The following LRIG2 variants were observed in gnomAD, a reference collection of about 807,000 sequenced individuals.
LRIG2 encodes the protein leucine-rich repeats and immunoglobulin-like domains protein 2.
Under a neutral mutation model 107.8 loss-of-function variants are expected in LRIG2, and 93 were observed. The observed-to-expected ratio is 0.86, with a 90% CI of 0.73 to 1.03. The LOEUF is 1.03. Among genes scored for constraint, LRIG2 ranks in the 50% least tolerant of loss-of-function variants. LRIG2 has a pLI of 0.00. For synonymous variants in LRIG2, 471 were observed against 470.6 expected, an observed-to-expected ratio of 1.00 and a Z score of -0.01; for missense variants, 1,226 against 1,296.0, an observed-to-expected ratio of 0.95 and a Z score of 0.83.
At chr1:113,089,722 C>T (rs1653713634) in intron 1 of LRIG2, among the ~76,000 whole-genome samples, 1 of 107,014 alleles carries the variant, frequency 9.3e-6, no homozygotes, top group Non-Finnish European at 1.8e-5. Flanking sequence ...TGCTTTGTCA[C>T]CGAGGCTGGA....
chr1:113,104,633 G>C (rs1310172306), intron 11 of LRIG2, among the ~76,000 whole-genome samples: 1 of 151,734 alleles, frequency 6.6e-6, no homozygotes, highest in Non-Finnish European at 1.5e-5. Flanking sequence ...TTCTGCCTCA[G>C]CCTCCTGAAT....
chr1:113,093,201 C>T lies in LRIG2; in HGVS notation c.306-5C>T, dbSNP rs756334160. On this transcript the variant is annotated splice_polypyrimidine_tract_variant and splice_region_variant and intron_variant, in intron 2 of 17. Coordinates refer to ENST00000361127, the MANE Select transcript of LRIG2 (RefSeq NM_014813.3). The stretch of plus-strand genomic sequence containing the variant: ...ACATTTAAATCTGTTTTTCCTCTTG[C>T]CTAGGAAAATGAATTACAATGAACT... The T allele has an allele frequency of 8.3e-6, 13 of 1,570,628 alleles. No homozygotes were observed. Among genetic ancestry groups the T allele is most frequent in the African/African-American group, 1.4e-5 (1 of 73,820 alleles).
rs767837946 is a variant in LRIG2, at chr1:113,129,149, A to G, written c.*5048A>G. 6.6e-6 allele frequency: 1 copy of G among 152,082 alleles called. No individual in the cohort carries two copies. Among genetic ancestry groups the G allele is most frequent in the African/African-American group, 2.4e-5 (1 of 41,360 alleles). 9.4% of individuals were successfully genotyped at this position (152,082 alleles called of 1,614,324 possible). On this transcript the variant is annotated 3_prime_UTR_variant, in exon 18 of 18. Transcript: ENST00000361127. Reference sequence around the variant, plus strand: ...AACATGGTGAAATTCCACCTCTACTAAAAATACAAAAATTAGCTGGGCGTG... The same window carrying G: ...AACATGGTGAAATTCCACCTCTACTGAAAATACAAAAATTAGCTGGGCGTG...
At chr1:113,084,001 A>G (rs1653412789) in intron 1 of LRIG2, among the ~76,000 whole-genome samples, 1 of 33,336 alleles carries the variant, frequency 3.0e-5, no homozygotes, top group Non-Finnish European at 6.0e-5. Flanking sequence ...TTAAAGTATA[A>G]TAATAATAAT....
chr1:113,110,346 C>T lies in LRIG2; in HGVS notation c.1582C>T (p.Pro528Ser), dbSNP rs1301857096. ...TCTAVSSSDS[P>S]MSTVWRKDSE... ...CACTGCAGTGAGCAGCAGTGATTCA[C>T]CCATGTCCACTGTGTGGCGCAAAGA... The change falls in exon 13 of 18, where the codon CCC (proline) becomes TCC (serine). Residue 528 changes from proline to serine, a missense_variant. Physicochemically the swap from Pro to Ser is moderately conservative, Grantham distance 74. Around this residue, in one of 3 missense-constraint regions of LRIG2, gnomAD observed 642 missense variants for 712.2 expected, o/e 0.90. Transcript: ENST00000361127. 1.3e-5 allele frequency: 21 copies of T among 1,614,018 alleles called. No homozygotes were observed. The highest frequency in any genetic ancestry group is 2.7e-5 in the African/African-American group (2 of 74,918).
At chr1:113,080,988 C>T (rs1391596008) in intron 1 of LRIG2, among the ~76,000 whole-genome samples, 2 of 151,874 alleles carry the variant, frequency 1.3e-5, no homozygotes, top group African/African-American at 4.8e-5. Flanking sequence ...GGATTACAGG[C>T]ATGCACCACA....
intron 17 of LRIG2, among the ~76,000 whole-genome samples, chr1:113,120,922 G>A (rs1225992210): frequency 6.9e-5 from 10 of 145,104 alleles, no homozygotes; most frequent in African/African-American, 2.3e-4. Context: ...AGGTTCAAGC[G>A]ATTTTCCTGC....
rs184142592 is a variant in LRIG2, at chr1:113,108,519, C to T, written c.1477+762C>T. Among the ~76,000 whole-genome samples the T allele has an allele frequency of 2.3e-4, 35 of 151,632 alleles. No homozygotes were observed. The East Asian group carries it at 6.7e-3, about 29-fold the overall frequency. Reference sequence around the variant, plus strand: ...GATTACAGGTGTGAGCCACCGTGCCCAGACAATTTCAAGTATACTTCTATA... The same window carrying T: ...GATTACAGGTGTGAGCCACCGTGCCTAGACAATTTCAAGTATACTTCTATA... On this transcript the variant is annotated intron_variant, in intron 12 of 17. Transcript: ENST00000361127.
intron 1 of LRIG2, among the ~76,000 whole-genome samples, chr1:113,079,662 A>G (rs1163755894): frequency 6.7e-6 from 1 of 148,652 alleles, no homozygotes; most frequent in Admixed American, 6.8e-5. Flanking sequence ...ACAGAGCAAG[A>G]CTCCATCTCA....
At chr1:113,115,650 C>G (rs1229875787) in intron 15 of LRIG2, among the ~76,000 whole-genome samples, 1 of 151,902 alleles carries the variant, frequency 6.6e-6, no homozygotes, top group Non-Finnish European at 1.5e-5. Context: ...GACTCAGCCT[C>G]CCGAGTAGCT....
At position 113,093,546 on chromosome 1, in the gene LRIG2, G is replaced by A. The variant is rs1168619888; in HGVS notation, c.497G>A (p.Arg166His). 10 of 1,541,432 alleles carry A rather than the reference G, an allele frequency of 6.5e-6. No individual in the cohort carries two copies. Among genetic ancestry groups the A allele is most frequent in the Non-Finnish European group, 8.8e-6 (10 of 1,136,022 alleles). The change falls in exon 4 of 18, where the codon CGC becomes CAC. Residue 166 changes from arginine to histidine, a missense_variant. By Grantham distance (29) the Arg-to-His change is conservative. Coordinates refer to ENST00000361127, the MANE Select transcript of LRIG2 (RefSeq NM_014813.3). Reference sequence around the variant, plus strand: ...GAAATCAAGACATCTTCATTTCCTCGCATGCAGCTTAAATACCTGTAAGTA... The same window carrying A: ...GAAATCAAGACATCTTCATTTCCTCACATGCAGCTTAAATACCTGTAAGTA... ...ISEIKTSSFP[R>H]MQLKYLNLSN...
At chr1:113,087,230 C>CT (rs1653596800) in intron 1 of LRIG2, among the ~76,000 whole-genome samples, 1 of 152,164 alleles carries the variant, frequency 6.6e-6, no homozygotes, top group African/African-American at 2.4e-5. Flanking sequence ...TGCAAACCAC[C>CT]TGGAATTAAT....
Position 113,131,122 on chromosome 1 carries a change from A to G in LRIG2, c.*7021A>G, listed in dbSNP as rs1036764793. 2 of 152,088 alleles carry G rather than the reference A, an allele frequency of 1.3e-5. No homozygotes were observed. The highest frequency in any genetic ancestry group is 4.8e-5 in the African/African-American group (2 of 41,388). 9.4% of individuals were successfully genotyped at this position (152,088 alleles called of 1,614,324 possible). A position where few individuals can be genotyped will look rare whatever the true frequency, so the allele number is the denominator to read the frequency against. On this transcript the variant is annotated 3_prime_UTR_variant, in exon 18 of 18. Transcript: ENST00000361127. Reference sequence around the variant, plus strand: ...GCTAATTTTTGTATTTTTAGTAGAGATGGGGTTTCACCGTGTTGCCTAGGC... The same window carrying G: ...GCTAATTTTTGTATTTTTAGTAGAGGTGGGGTTTCACCGTGTTGCCTAGGC...
intron 16 of LRIG2, among the ~76,000 whole-genome samples, chr1:113,117,116 GTTC>G (rs527638366): frequency 1.2e-3 from 182 of 152,304 alleles, no homozygotes; most frequent in African/African-American, 4.1e-3. Flanking sequence ...CATACACAGA[GTTC>G]TTCTCCCTCC....
rs1221394550 is a variant in LRIG2, at chr1:113,093,367, T to A, written c.381-63T>A. On this transcript the variant is annotated intron_variant, in intron 3 of 17. Transcript: ENST00000361127. ...AAGCACATATATTGTTGATTCTAAT[T>A]AACATTTTTGTGGCCTGGGGTGGAT... 6 of 1,578,534 alleles carry A rather than the reference T, an allele frequency of 3.8e-6. No homozygotes were observed. In the East Asian group the frequency reaches 9.0e-5, roughly 24 times the overall value.
Position 113,094,717 on chromosome 1 carries a change from G to A in LRIG2, c.765G>A (p.Lys255=). The A allele has an allele frequency of 1.2e-6, 2 of 1,613,920 alleles. No individual in the cohort carries two copies. Among genetic ancestry groups the A allele is most frequent in the Non-Finnish European group, 1.7e-6 (2 of 1,179,900 alleles). The change falls in exon 6 of 18, where the codon AAG becomes AAA. Residue 255 remains lysine (K), a synonymous_variant. Coordinates refer to ENST00000361127, the MANE Select transcript of LRIG2 (RefSeq NM_014813.3). Reference sequence around the variant, plus strand: ...AGCGGAATGGAATTAGCAAACTTAAGGATGGAGCATTTTTTGGCTTGAATA... The same window carrying A: ...AGCGGAATGGAATTAGCAAACTTAAAGATGGAGCATTTTTTGGCTTGAATA... ...KMQRNGISKL[K]DGAFFGLNNM...
chr1:113,111,767 GT>G (rs34691317), intron 13 of LRIG2, among the ~76,000 whole-genome samples: 1 of 151,998 alleles, frequency 6.6e-6, no homozygotes, highest in African/African-American at 2.4e-5. Flanking sequence ...GAAGGCATAA[GT>G]TTTTTTAGCA....
At chr1:113,123,522 C>A (rs574601187) in intron 17 of LRIG2, among the ~76,000 whole-genome samples, 2 of 151,992 alleles carry the variant, frequency 1.3e-5, no homozygotes, top group Admixed American at 1.3e-4. Context: ...TGCGGTGAGC[C>A]GAGATGACGC....
In LRIG2 at chr1:113,073,274, C is replaced by T. The variant is rs570727216; in HGVS notation, c.-133C>T. ...CGCGCTGCGTCTGCTCCTTGCATGC[C>T]TTTAGATGGTACAGCCTTCAGCCGG... On this transcript the variant is annotated 5_prime_UTR_variant, in exon 1 of 18. Coordinates refer to ENST00000361127, the MANE Select transcript of LRIG2 (RefSeq NM_014813.3). 13 of 767,214 alleles carry T rather than the reference C, an allele frequency of 1.7e-5. No individual in the cohort carries two copies. Among genetic ancestry groups the T allele is most frequent in the Non-Finnish European group, 2.9e-5 (13 of 451,874 alleles). 47.5% of individuals were successfully genotyped at this position (767,214 alleles called of 1,614,324 possible).
Sources: allele counts gnomAD v4.1 joint callset (sites outside exome capture counted in the v4.1 genomes callset), GRCh38; gene constraint gnomAD v4.1.1; regional missense constraint gnomAD v4.1.1; transcripts MANE v1.5; gene names NCBI Gene and HGNC (gene_info 2026-07-23, HGNC 2026-07-21).